SGCZ: variants seen among roughly 807,000 people sequenced by gnomAD.
SGCZ encodes the protein zeta-sarcoglycan.
SGCZ carries 40 observed loss-of-function variants against 41.3 expected under a neutral mutation model. The ratio of observed to expected loss-of-function variants is 0.97; its 90% CI spans 0.75 to 1.26. The LOEUF is 1.26. Ranked by LOEUF, SGCZ falls within the 50% of genes most tolerant of loss-of-function variation. SGCZ has a pLI of 0.00. For missense variants in SGCZ, 552 were observed against 369.8 expected, an observed-to-expected ratio of 1.49 and a Z score of -4.04; for synonymous variants, 206 against 137.5, an observed-to-expected ratio of 1.50 and a Z score of -3.49.
intron 1 of SGCZ, among the ~76,000 whole-genome samples, chr8:14,999,031 G>T (rs937026548): frequency 6.6e-6 from 1 of 152,164 alleles, no homozygotes; most frequent in Non-Finnish European, 1.5e-5. Flanking sequence ...ACACTTAGGG[G>T]TGTTGTGTCC....
intron 2 of SGCZ, among the ~76,000 whole-genome samples, chr8:14,541,287 G>T (rs948177711): frequency 2.0e-5 from 3 of 151,884 alleles, no homozygotes; most frequent in African/African-American, 7.3e-5. Flanking sequence ...TTGTCCTAAT[G>T]CTCTCCCTCC....
At chr8:15,172,803 T>C (rs1255849548) in intron 1 of SGCZ, among the ~76,000 whole-genome samples, 2 of 152,168 alleles carry the variant, frequency 1.3e-5, no homozygotes, top group African/African-American at 4.8e-5. Context: ...CTTTAAAAAA[T>C]TATGCAATAC....
At chr8:14,442,155 G>A (rs1007214762) in intron 2 of SGCZ, among the ~76,000 whole-genome samples, 1 of 152,156 alleles carries the variant, frequency 6.6e-6, no homozygotes, top group African/African-American at 2.4e-5. Flanking sequence ...ATATGGTTTG[G>A]CTGTGTCACT....
intron 1 of SGCZ, among the ~76,000 whole-genome samples, chr8:14,736,400 G>A (rs1325470074): frequency 1.3e-5 from 2 of 152,112 alleles, no homozygotes; most frequent in East Asian, 1.9e-4. Flanking sequence ...TACATTAAAT[G>A]AAAGAAAGCA....
At chr8:14,872,394 T>G (rs1257580792) in intron 1 of SGCZ, among the ~76,000 whole-genome samples, 1 of 151,938 alleles carries the variant, frequency 6.6e-6, no homozygotes, top group African/African-American at 2.4e-5. Flanking sequence ...TTATTAGTGT[T>G]TTTGCTGTAT....
intron 1 of SGCZ, among the ~76,000 whole-genome samples, chr8:15,130,028 G>A (rs925212066): frequency 6.6e-6 from 1 of 152,076 alleles, no homozygotes; most frequent in Non-Finnish European, 1.5e-5. Context: ...CAAAAAATAT[G>A]AGTTGTTCTT....
chr8:14,402,043 G>T (rs535930172), intron 2 of SGCZ, among the ~76,000 whole-genome samples: 9 of 152,302 alleles, frequency 5.9e-5, no homozygotes, highest in African/African-American at 1.4e-4. Context: ...GGCCATGGAT[G>T]ATGAGCATTT....
At chr8:14,112,874 G>T (rs957282488) in intron 5 of SGCZ, among the ~76,000 whole-genome samples, 6 of 151,966 alleles carry the variant, frequency 3.9e-5, no homozygotes, top group African/African-American at 1.5e-4. Flanking sequence ...TGCAACTCCA[G>T]ATCAACAGAA....
intron 1 of SGCZ, among the ~76,000 whole-genome samples, chr8:14,791,714 A>G (rs997144518): frequency 1.3e-5 from 2 of 152,174 alleles, no homozygotes; most frequent in East Asian, 3.9e-4. Flanking sequence ...TATTATGTGC[A>G]TTATTGCTCT....
At position 14,087,562 on chromosome 8, in the gene SGCZ, C is replaced by G. The variant is rs550533858; in HGVS notation, c.*2881G>C. ...AGCTTAGTCGCATCCATGTAGTACACTATAAAGGACTCATTTTTCTCAGTG... is the reference window on the plus strand; with the variant it reads ...AGCTTAGTCGCATCCATGTAGTACAGTATAAAGGACTCATTTTTCTCAGTG... On this transcript the variant is annotated 3_prime_UTR_variant, in exon 8 of 8. Transcript: ENST00000382080. Among the ~76,000 whole-genome samples, 28 of 151,520 alleles carry G rather than the reference C, an allele frequency of 1.8e-4. No homozygotes were observed. In the East Asian group the frequency reaches 5.1e-3, roughly 27 times the overall value.
intron 3 of SGCZ, among the ~76,000 whole-genome samples, chr8:14,286,894 C>A (rs1181443545): frequency 6.6e-6 from 1 of 151,906 alleles, no homozygotes; most frequent in Non-Finnish European, 1.5e-5. Flanking sequence ...AGAAAGCTAT[C>A]ACTAAAAATT....
At chr8:14,798,605 T>A (rs1027979169) in intron 1 of SGCZ, among the ~76,000 whole-genome samples, 1 of 152,186 alleles carries the variant, frequency 6.6e-6, no homozygotes, top group African/African-American at 2.4e-5. Flanking sequence ...TGTACTAACT[T>A]GATAAAGTAA....
intron 1 of SGCZ, among the ~76,000 whole-genome samples, chr8:14,705,604 T>C (rs1243635696): frequency 2.0e-5 from 3 of 152,034 alleles, no homozygotes; most frequent in African/African-American, 4.8e-5. Context: ...AGAATTATTA[T>C]GCATTTGTTT....
Position 14,450,786 on chromosome 8 carries a change from G to A in SGCZ, c.234+103946C>T, listed in dbSNP as rs141854134. Among the ~76,000 whole-genome samples the A allele has an allele frequency of 2.0e-5, 3 of 152,106 alleles. No individual in the cohort carries two copies. In the South Asian group the frequency reaches 6.2e-4, roughly 32 times the overall value. On this transcript the variant is annotated intron_variant, in intron 2 of 7. Coordinates refer to ENST00000382080, the MANE Select transcript of SGCZ (RefSeq NM_139167.4). Reference sequence around the variant, plus strand: ...TGCTACAGGGCAAAATCATTTGGAGGAGAGCTCTGAAGTACACACTAAGGA... The same window carrying A: ...TGCTACAGGGCAAAATCATTTGGAGAAGAGCTCTGAAGTACACACTAAGGA...
intron 1 of SGCZ, among the ~76,000 whole-genome samples, chr8:15,062,968 G>C (rs921549644): frequency 6.6e-6 from 1 of 152,086 alleles, no homozygotes; most frequent in Non-Finnish European, 1.5e-5. Flanking sequence ...ATACTAAAAA[G>C]AATGTCAATT....
At chr8:14,754,552 A>G (rs1799598488) in intron 1 of SGCZ, among the ~76,000 whole-genome samples, 1 of 152,204 alleles carries the variant, frequency 6.6e-6, no homozygotes, top group Non-Finnish European at 1.5e-5. Flanking sequence ...ATAGGAATCC[A>G]GAATAGTGGC....
rs934845235 is a variant in SGCZ, at chr8:14,102,471, T to C, written c.649A>G (p.Met217Val). 1.3e-6 allele frequency: 2 copies of C among 1,490,372 alleles called. No individual in the cohort carries two copies. Among genetic ancestry groups the C allele is most frequent in the African/African-American group, 2.8e-5 (2 of 71,496 alleles). 92.3% of individuals were successfully genotyped at this position (1,490,372 alleles called of 1,614,324 possible). A position where few individuals can be genotyped will look rare whatever the true frequency, so the allele number is the denominator to read the frequency against. Residue 217 changes from methionine (M) to valine (V), a missense_variant, in exon 7 of 8, where the codon ATG (methionine) becomes GTG (valine). Met to Val is a conservative substitution (Grantham distance 21). Coordinates refer to ENST00000382080, the MANE Select transcript of SGCZ (RefSeq NM_139167.4). The stretch of plus-strand genomic sequence containing the variant: ...ACCTGGACCCCACGGGGAGCTTCCA[T>C]GATCAAGGATCTGGTGGGTGATTCA... ...RLESPTRSLI[M>V]EAPRGVQVSA... is the part of the protein sequence containing the mutation.
intron 1 of SGCZ, among the ~76,000 whole-genome samples, chr8:14,768,334 T>A (rs1389816036): frequency 1.3e-5 from 2 of 152,228 alleles, no homozygotes; most frequent in Non-Finnish European, 2.9e-5. Flanking sequence ...AGTGCAGTAC[T>A]TCTTTTTGTA....
chr8:15,065,921 G>T (rs2131019254), intron 1 of SGCZ, among the ~76,000 whole-genome samples: 1 of 152,284 alleles, frequency 6.6e-6, no homozygotes, highest in Non-Finnish European at 1.5e-5. Flanking sequence ...TGAAATAGGT[G>T]AAATATGTGA....
Sources: allele counts gnomAD v4.1 joint callset (sites outside exome capture counted in the v4.1 genomes callset), GRCh38; gene constraint gnomAD v4.1.1; transcripts MANE v1.5; gene names NCBI Gene and HGNC (gene_info 2026-07-23, HGNC 2026-07-21).